FGF14: variants seen among roughly 807,000 people sequenced by gnomAD.
FGF14 encodes fibroblast growth factor 14.
Under a neutral mutation model 25.5 loss-of-function variants are expected in FGF14, and 5 were observed. The observed-to-expected ratio is 0.20, with a 90% CI of 0.10 to 0.41. The LOEUF (loss-of-function observed/expected upper bound fraction) is 0.41. Among genes scored for constraint, FGF14 ranks in the 10% least tolerant of loss-of-function variants. The pLI, the probability that FGF14 is intolerant of heterozygous loss-of-function variation, is 1.00. For synonymous variants in FGF14, 138 were observed against 118.3 expected (o/e 1.17, Z -1.08); for missense variants, 222 against 320.1 (o/e 0.69, Z 2.34).
rs186903161 is a variant in FGF14, at chr13:101,715,977, G to A, written c.*6854C>T. On this transcript the variant is annotated 3_prime_UTR_variant, in exon 5 of 5. Coordinates refer to ENST00000376143, the MANE Select transcript of FGF14 (RefSeq NM_004115.4). ...ACTGGGTCGGGTAGGAAGGTATGCT[G>A]CAGACATTTGGTGGGTAGAGGCCAG... 1 of 286,138 alleles carries A rather than the reference G, an allele frequency of 3.5e-6. No homozygotes were observed. The highest frequency in any genetic ancestry group is 8.6e-5 in the East Asian group (1 of 11,584). The allele number at this position is 286,138 out of a possible 1,614,324, so 17.7% of individuals were successfully genotyped here. A position where few individuals can be genotyped will look rare whatever the true frequency, so the allele number is the denominator to read the frequency against.
chr13:101,987,830 T>C (rs1202069890), intron 1 of FGF14, among the ~76,000 whole-genome samples: 1 of 152,074 alleles, frequency 6.6e-6, no homozygotes, highest in African/African-American at 2.4e-5. Context: ...CCTGAGTCAT[T>C]GATCAATGAT....
At chr13:101,880,132 T>C (rs1386660650) in intron 1 of FGF14, among the ~76,000 whole-genome samples, 2 of 152,182 alleles carry the variant, frequency 1.3e-5, no homozygotes, top group African/African-American at 4.8e-5. Context: ...TTCAGAGTGA[T>C]TACCCAACTC....
chr13:101,910,727 T>C (rs775515279), intron 1 of FGF14, among the ~76,000 whole-genome samples: 1 of 152,120 alleles, frequency 6.6e-6, no homozygotes, highest in Non-Finnish European at 1.5e-5. Flanking sequence ...AATTGAATGC[T>C]GGACCATTAT....
intron 1 of FGF14, among the ~76,000 whole-genome samples, chr13:102,117,214 T>C (rs1311040390): frequency 2.6e-5 from 4 of 152,220 alleles, no homozygotes; most frequent in Admixed American, 6.5e-5. Context: ...ACTATTCAGC[T>C]CTCTGTATTT....
intron 1 of FGF14, among the ~76,000 whole-genome samples, chr13:102,008,541 G>A (rs1566564763): frequency 6.6e-6 from 1 of 152,176 alleles, no homozygotes; most frequent in South Asian, 2.1e-4. Flanking sequence ...AGATAGTGAC[G>A]TTCAGTCATG....
At chr13:101,788,965 G>GAGATAGAT (rs1555382948) in intron 3 of FGF14, among the ~76,000 whole-genome samples, 1 of 80,602 alleles carries the variant, frequency 1.2e-5, no homozygotes, top group Non-Finnish European at 2.8e-5. Context: ...GAGAGAGAGA[G>GAGATAGAT]AGAGACAGAG....
At chr13:102,115,622 C>G (rs2045433399) in intron 1 of FGF14, among the ~76,000 whole-genome samples, 1 of 152,002 alleles carries the variant, frequency 6.6e-6, no homozygotes, top group South Asian at 2.1e-4. Context: ...CGGACAGGAG[C>G]TAAACATTGA....
At chr13:101,793,718 C>T (rs1174473287) in intron 3 of FGF14, among the ~76,000 whole-genome samples, 1 of 152,006 alleles carries the variant, frequency 6.6e-6, no homozygotes, top group African/African-American at 2.4e-5. Context: ...CTCTTCTGTC[C>T]CTCAACCTGA....
chr13:101,798,155 G>A (rs2040661741), intron 3 of FGF14, among the ~76,000 whole-genome samples: 3 of 152,042 alleles, frequency 2.0e-5, no homozygotes, highest in African/African-American at 7.2e-5. Flanking sequence ...GACTTGAATC[G>A]CTATGTTTTT....
chr13:102,057,140 T>C (rs1347879486), intron 1 of FGF14, among the ~76,000 whole-genome samples: 1 of 152,034 alleles, frequency 6.6e-6, no homozygotes, highest in Non-Finnish European at 1.5e-5. Flanking sequence ...AAAGGAGTAA[T>C]GATATAATTG....
intron 1 of FGF14, among the ~76,000 whole-genome samples, chr13:102,161,697 GAA>G (rs2047769326): frequency 1.7e-5 from 2 of 117,396 alleles, no homozygotes; most frequent in Non-Finnish European, 3.8e-5. Flanking sequence ...AGAAGAAGAA[GAA>G]GAAGAAGAAG....
chr13:102,017,981 T>C (rs1170905211), intron 1 of FGF14, among the ~76,000 whole-genome samples: 1 of 152,116 alleles, frequency 6.6e-6, no homozygotes, highest in Non-Finnish European at 1.5e-5. Flanking sequence ...TTTATCTCTC[T>C]GATGCTATTA....
intron 3 of FGF14, among the ~76,000 whole-genome samples, chr13:101,790,460 G>T (rs527733672): frequency 2.7e-5 from 4 of 149,604 alleles, no homozygotes; most frequent in African/African-American, 9.8e-5. Context: ...ACATGTGCAG[G>T]TTTGTTACAT....
At chr13:102,298,861 G>T (rs2054872445) in intron 1 of FGF14, among the ~76,000 whole-genome samples, 1 of 152,108 alleles carries the variant, frequency 6.6e-6, no homozygotes, top group Non-Finnish European at 1.5e-5. Context: ...AAAATTAAGT[G>T]ACTCTATTTT....
At chr13:102,289,058 C>T (rs1258658671) in intron 1 of FGF14, among the ~76,000 whole-genome samples, 1 of 152,010 alleles carries the variant, frequency 6.6e-6, no homozygotes. Flanking sequence ...CTTTGCCTTA[C>T]AACACCTTCA....
intron 1 of FGF14, among the ~76,000 whole-genome samples, chr13:102,258,719 G>C (rs532520709): frequency 6.6e-6 from 1 of 152,286 alleles, no homozygotes; most frequent in East Asian, 1.9e-4. Context: ...TAATGTCAGA[G>C]GGGCTGCACA....
At chr13:101,888,295 A>G (rs1439665854) in intron 1 of FGF14, among the ~76,000 whole-genome samples, 3 of 151,872 alleles carry the variant, frequency 2.0e-5, no homozygotes, top group South Asian at 4.1e-4. Flanking sequence ...TTCTTCACTC[A>G]ATAGATGATT....
chr13:102,103,970 C>A (rs188778879), intron 1 of FGF14, among the ~76,000 whole-genome samples: 299 of 152,292 alleles, frequency 2.0e-3, no homozygotes, highest in African/African-American at 7.0e-3. Context: ...GACCTTCTCA[C>A]TTCCCACTGT....
chr13:102,194,680 A>G (rs2049272919), intron 1 of FGF14, among the ~76,000 whole-genome samples: 1 of 152,226 alleles, frequency 6.6e-6, no homozygotes, highest in African/African-American at 2.4e-5. Flanking sequence ...GAGAAAAAGT[A>G]GAAAAAATAT....
Sources: gnomAD v4.1 joint callset for allele counts (sites outside exome capture counted in the v4.1 genomes callset) on GRCh38, gnomAD v4.1.1 for gene constraint, MANE v1.5 for transcripts, NCBI Gene and HGNC (gene_info 2026-07-23, HGNC 2026-07-21) for gene names.